Variants in BCAS3 observed in about 807,000 individuals in gnomAD.
BCAS3 encodes BCAS4/BCAS3 fusion.
Under a neutral mutation model 116.1 loss-of-function variants are expected in BCAS3, and 53 were observed. The observed-to-expected ratio is 0.46, with a 90% CI of 0.37 to 0.57. The LOEUF is 0.57. Among genes scored for constraint, BCAS3 ranks in the 20% least tolerant of loss-of-function variants. The pLI is 0.00. For synonymous variants in BCAS3, 391 were observed against 408.2 expected (o/e 0.96, Z 0.51); for missense variants, 917 against 1,165.4 (o/e 0.79, Z 3.10).
intron 5 of BCAS3, among the ~76,000 whole-genome samples, chr17:60,713,717 A>G (rs2038204935): frequency 6.6e-6 from 1 of 152,254 alleles, no homozygotes; most frequent in African/African-American, 2.4e-5. Flanking sequence ...TTATATGCAA[A>G]TACTATGCCA....
chr17:61,079,496 A>G (rs1240003092), intron 21 of BCAS3, among the ~76,000 whole-genome samples: 2 of 152,218 alleles, frequency 1.3e-5, no homozygotes, highest in African/African-American at 4.8e-5. Context: ...AGCCTAGAGT[A>G]CGGCCGGCTG....
intron 22 of BCAS3, among the ~76,000 whole-genome samples, chr17:61,164,893 T>C (rs917204259): frequency 2.6e-5 from 4 of 152,260 alleles, no homozygotes; most frequent in Non-Finnish European, 4.4e-5. Context: ...TTCATAAGCA[T>C]GTTCTGTGTA....
In BCAS3 at chr17:61,069,713, C is replaced by G. The variant is rs191296763; in HGVS notation, c.2030-5207C>G. 360 of 566,102 alleles carry G rather than the reference C, an allele frequency of 6.4e-4. 4 individuals carry two copies. The highest frequency in any genetic ancestry group is 5.9e-3 in the African/African-American group (314 of 52,798). 35.1% of individuals were successfully genotyped at this position (566,102 alleles called of 1,614,324 possible). On this transcript the variant is annotated intron_variant, in intron 19 of 23. Transcript: ENST00000407086. ...ATTAGCCAGGCATGGTGGCGCACGC[C>G]TGTAATCCCAGCTACTCAGGAGGCT...
intron 2 of BCAS3, among the ~76,000 whole-genome samples, chr17:60,680,425 G>A (rs572670402): frequency 6.6e-6 from 1 of 151,960 alleles, no homozygotes; most frequent in African/African-American, 2.4e-5. Context: ...CCCTCTCCCC[G>A]CTCCCACCCA....
chr17:60,862,749 C>CCTCA (rs2144860574), intron 7 of BCAS3, among the ~76,000 whole-genome samples: 1 of 152,254 alleles, frequency 6.6e-6, no homozygotes, highest in South Asian at 2.1e-4. Flanking sequence ...ATTGCTCCTG[C>CCTCA]CTCAGCCTTC....
rs756967378 is a variant in BCAS3, at chr17:61,276,960, T to C, written c.2426-91367T>C. Among the ~76,000 whole-genome samples, 36 of 152,160 alleles carry C rather than the reference T, an allele frequency of 2.4e-4. No individual in the cohort carries two copies. The highest frequency in any genetic ancestry group is 3.7e-4 in the Non-Finnish European group (25 of 67,986). On this transcript the variant is annotated intron_variant, in intron 22 of 23. Transcript: ENST00000407086. This position sits in a 1 kb window ranked among gnomAD's most constrained non-coding sequence, Gnocchi z 4.2. The stretch of plus-strand genomic sequence containing the variant: ...CAAGACATTTTCTATGAGGAAAGAA[T>C]AGTAGTTTCAACAAGTGGTAGGCTG...
intron 6 of BCAS3, among the ~76,000 whole-genome samples, chr17:60,756,433 C>T (rs560847380): frequency 8.5e-5 from 13 of 152,308 alleles, no homozygotes; most frequent in African/African-American, 3.1e-4. Context: ...TCCATCCACA[C>T]ATTCTTCCCA....
At chr17:61,158,699 C>G (rs1790587883) in intron 22 of BCAS3, among the ~76,000 whole-genome samples, 1 of 152,154 alleles carries the variant, frequency 6.6e-6, no homozygotes, top group Non-Finnish European at 1.5e-5. Context: ...AGGGATAGTA[C>G]ATGAGACAGT....
chr17:61,182,479 C>T (rs1177927692), intron 22 of BCAS3, among the ~76,000 whole-genome samples: 2 of 152,174 alleles, frequency 1.3e-5, no homozygotes, highest in Non-Finnish European at 2.9e-5. Flanking sequence ...CCTAATCCTA[C>T]TCTTTGCTGG....
In BCAS3 at chr17:60,956,307, T is replaced by G. The variant is rs1369932563; in HGVS notation, c.1221+8955T>G. Among the ~76,000 whole-genome samples, 1 of 152,208 alleles carries G rather than the reference T, an allele frequency of 6.6e-6. No homozygotes were observed. The highest frequency in any genetic ancestry group is 2.4e-5 in the African/African-American group (1 of 41,456). ...ACAACTAACTTGCTTACCCTTAAGT[T>G]TAATTATTATTTGTTTTTGTCTCTT... On this transcript the variant is annotated intron_variant, in intron 14 of 23. Coordinates refer to ENST00000407086, the MANE Select transcript of BCAS3 (RefSeq NM_017679.5). The surrounding 1 kb of genome is among the most constrained non-coding windows in gnomAD (Gnocchi z 4.2).
rs1370331543 is a variant in BCAS3 at position 61,364,542 on chromosome 17, C to T, written c.2426-3785C>T. On this transcript the variant is annotated intron_variant, in intron 22 of 23. Transcript: ENST00000407086. The surrounding 1 kb of genome is among the most constrained non-coding windows in gnomAD (Gnocchi z 5.4). ...ACCAGCCTGGGCAACATGGTGAAAC[C>T]CCATCTTGACAAAAAATTAGCTGGG... Among the ~76,000 whole-genome samples, 1 of 152,112 alleles carries T rather than the reference C, an allele frequency of 6.6e-6. No homozygotes were observed. Among genetic ancestry groups the T allele is most frequent in the East Asian group, 1.9e-4 (1 of 5,188 alleles).
chr17:61,368,184 C>T lies in BCAS3; in HGVS notation c.2426-143C>T. 1.2e-6 allele frequency: 1 copy of T among 810,852 alleles called. No individual in the cohort carries two copies. Among genetic ancestry groups the T allele is most frequent in the Non-Finnish European group, 1.9e-6 (1 of 524,532 alleles). The allele number at this position is 810,852 out of a possible 1,614,324, so 50.2% of individuals were successfully genotyped here. ...GCATGAGCTATTTCTCCTGCGCTAC[C>T]CAGTCTGTTGGCGGCGTGCTTCCAT... is the stretch of plus-strand genomic sequence containing the variant. On this transcript the variant is annotated intron_variant, in intron 22 of 23. Coordinates refer to ENST00000407086, the MANE Select transcript of BCAS3 (RefSeq NM_017679.5). The surrounding 1 kb of genome is among the most constrained non-coding windows in gnomAD (Gnocchi z 6.0).
intron 5 of BCAS3, among the ~76,000 whole-genome samples, chr17:60,736,544 G>C (rs2040987286): frequency 6.6e-6 from 1 of 151,982 alleles, no homozygotes; most frequent in African/African-American, 2.4e-5. Context: ...AATGATTTAG[G>C]AAGCATTCTA....
At chr17:60,681,583 G>T (rs866447959) in intron 2 of BCAS3, among the ~76,000 whole-genome samples, 2 of 148,282 alleles carry the variant, frequency 1.3e-5, no homozygotes, top group African/African-American at 2.5e-5. Flanking sequence ...ATGCAGTCTC[G>T]CTCCATTGCC....
At chr17:60,700,407 C>T (rs1227549074) in intron 4 of BCAS3, among the ~76,000 whole-genome samples, 1 of 152,020 alleles carries the variant, frequency 6.6e-6, no homozygotes, top group African/African-American at 2.4e-5. Context: ...TGCTTTTCAC[C>T]AAAATAAGGG....
chr17:60,901,115 G>A (rs1183478227), intron 10 of BCAS3, among the ~76,000 whole-genome samples: 1 of 152,008 alleles, frequency 6.6e-6, no homozygotes, highest in Non-Finnish European at 1.5e-5. Flanking sequence ...GGAGGCCGAG[G>A]CGGGAGAATT....
intron 19 of BCAS3, among the ~76,000 whole-genome samples, chr17:61,054,161 C>G (rs763126347): frequency 7.9e-5 from 12 of 152,210 alleles, no homozygotes; most frequent in South Asian, 4.1e-4. Context: ...TCGCATAGAT[C>G]TTCAGACCTG....
rs1388442813 is a variant in BCAS3 at position 61,251,338 on chromosome 17, G to A, written c.2426-116989G>A. ...TAATCCCAGCACTCTGGGAGGCTGAGGCGGGCGGATCACCTGAGGTCAGAG... is the reference window on the plus strand; with the variant it reads ...TAATCCCAGCACTCTGGGAGGCTGAAGCGGGCGGATCACCTGAGGTCAGAG... On this transcript the variant is annotated intron_variant, in intron 22 of 23. Coordinates refer to ENST00000407086, the MANE Select transcript of BCAS3 (RefSeq NM_017679.5). The surrounding 1 kb of genome is among the most constrained non-coding windows in gnomAD (Gnocchi z 4.7). Among the ~76,000 whole-genome samples the A allele has an allele frequency of 1.3e-5, 2 of 152,214 alleles. No homozygotes were observed. Among genetic ancestry groups the A allele is most frequent in the African/African-American group, 4.8e-5 (2 of 41,458 alleles).
chr17:60,944,904 A>G (rs1177543769), intron 13 of BCAS3, among the ~76,000 whole-genome samples: 2 of 152,192 alleles, frequency 1.3e-5, no homozygotes, highest in Non-Finnish European at 2.9e-5. Context: ...TAAAGATTGA[A>G]TGCTTTCCTC....
Sources: gnomAD v4.1 joint callset for allele counts (sites outside exome capture counted in the v4.1 genomes callset) on GRCh38, gnomAD v4.1.1 for gene constraint, Gnocchi (gnomAD v3.1) non-coding constraint, MANE v1.5 for transcripts, NCBI Gene and HGNC (gene_info 2026-07-23, HGNC 2026-07-21) for gene names.